Variants in COPG2 observed in about 807,000 individuals in gnomAD.
COPG2 encodes the protein coat protein complex I subunit gamma 2.
COPG2 carries 37 observed loss-of-function variants against 46.3 expected under a neutral mutation model. That is an observed-to-expected ratio of 0.80 (90% confidence interval 0.61 to 1.05). The LOEUF is 1.05. COPG2 is among the 50% of genes least tolerant of loss of function. The pLI, the probability that COPG2 is intolerant of heterozygous loss-of-function variation, is 0.00. For missense variants in COPG2, 427 were observed against 387.8 expected, an observed-to-expected ratio of 1.10 and a Z score of -0.85; for synonymous variants, 159 against 129.7, an observed-to-expected ratio of 1.23 and a Z score of -1.53.
chr7:130,561,857 A>G (rs1793726915), intron 11 of COPG2, among the ~76,000 whole-genome samples: 1 of 152,216 alleles, frequency 6.6e-6, no homozygotes, highest in South Asian at 2.1e-4. Flanking sequence ...TTTAATTCTT[A>G]ATTTATACCA....
At position 130,534,348 on chromosome 7, in the gene COPG2, C is replaced by T. The variant is rs1001966501; in HGVS notation, c.2149+13326G>A. ...AGTCCAGCATGTGGGGAGAAAGATG[C>T]TTATAAAATGGCAGAGGAGGGACTG... is the stretch of plus-strand genomic sequence containing the variant. On this transcript the variant is annotated intron_variant, in intron 20 of 23. Transcript: ENST00000425248. Among the ~76,000 whole-genome samples, 44 of 152,192 alleles carry T rather than the reference C, an allele frequency of 2.9e-4. 1 individual carries two copies. In the South Asian group the frequency reaches 5.6e-3, roughly 19 times the overall value.
At chr7:130,551,216 G>A (rs1657323715) in intron 16 of COPG2, 25 bp downstream of exon 16, 1 of 398,304 alleles carries the variant, frequency 2.5e-6, no homozygotes, top group Non-Finnish European at 4.4e-6. Context: ...AGGAACAAAA[G>A]TGTACATCCT....
chr7:130,611,555 G>A (rs187206918), intron 8 of COPG2, among the ~76,000 whole-genome samples: 1 of 152,312 alleles, frequency 6.6e-6, no homozygotes, highest in Admixed American at 6.5e-5. Flanking sequence ...CATGATCAGA[G>A]TCAGGAGAAT....
intron 17 of COPG2, 131 bp from the exon 18 acceptor site, chr7:130,549,507 G>C (rs2116384223): frequency 2.5e-6 from 1 of 396,136 alleles, no homozygotes; most frequent in South Asian, 1.4e-4. Context: ...CATACTTATA[G>C]GTTATCTATC....
intron 20 of COPG2, among the ~76,000 whole-genome samples, chr7:130,523,932 G>A (rs1159518512): frequency 2.0e-5 from 3 of 151,914 alleles, no homozygotes; most frequent in Non-Finnish European, 4.4e-5. Flanking sequence ...GGAGAGTCAG[G>A]TTGAGACTGG....
At chr7:130,573,920 G>C (rs1384559586) in intron 9 of COPG2, among the ~76,000 whole-genome samples, 4 of 152,110 alleles carry the variant, frequency 2.6e-5, no homozygotes, top group Non-Finnish European at 5.9e-5. Flanking sequence ...GGTTATTTTG[G>C]AAAATAGTTT....
chr7:130,610,329 G>A (rs533445005), intron 9 of COPG2, among the ~76,000 whole-genome samples: 1 of 152,226 alleles, frequency 6.6e-6, no homozygotes, highest in South Asian at 2.1e-4. Context: ...CTTTCAGCAG[G>A]GCATTAGTAG....
chr7:130,612,078 G>A (rs2171540), intron 8 of COPG2, 74 bp downstream of exon 8: 1,023,467 of 1,029,920 alleles, frequency 0.99, 508,762 homozygotes, highest in East Asian at 1. Flanking sequence ...CTAGGGAATC[G>A]ATACACTGCC....
intron 20 of COPG2, among the ~76,000 whole-genome samples, chr7:130,529,705 A>T (rs1188316425): frequency 2.0e-5 from 3 of 152,232 alleles, no homozygotes; most frequent in African/African-American, 7.2e-5. Flanking sequence ...CTGCACACTA[A>T]CATGGCACCT....
At chr7:130,547,171 G>C (rs1793458265) in intron 20 of COPG2, 1 of 152,276 alleles carries the variant, frequency 6.6e-6, no homozygotes, top group Non-Finnish European at 1.5e-5. Flanking sequence ...GGACACACAT[G>C]GTTGGCTAAG....
chr7:130,572,927 T>C (rs1256225842), intron 9 of COPG2, among the ~76,000 whole-genome samples: 2 of 151,838 alleles, frequency 1.3e-5, no homozygotes, highest in Non-Finnish European at 2.9e-5. Flanking sequence ...GTTGGTTCTT[T>C]GAAAAGATCA....
At chr7:130,628,096 ATCTGTGGTCTTGTTAGTTTGTTT>A (rs1795149473) in intron 5 of COPG2, among the ~76,000 whole-genome samples, 1 of 152,118 alleles carries the variant, frequency 6.6e-6, no homozygotes, top group Non-Finnish European at 1.5e-5. Flanking sequence ...CTGGATTGAA[ATCTGTGGTCTTGTTAGTTTGTTT>A]TCTGTTTTTG....
chr7:130,586,694 C>T (rs939401579), intron 9 of COPG2, among the ~76,000 whole-genome samples: 12 of 151,896 alleles, frequency 7.9e-5, no homozygotes, highest in Non-Finnish European at 1.6e-4. Flanking sequence ...GATCTCCTGA[C>T]GTCGTCATCT....
At chr7:130,607,625 T>C (rs1794759503) in intron 9 of COPG2, 2 of 506,096 alleles carry the variant, frequency 4.0e-6, no homozygotes, top group Non-Finnish European at 7.9e-6. Context: ...TTCTCCTGTA[T>C]ATATGTAGTT....
chr7:130,573,166 G>A (rs1421591414), intron 9 of COPG2, among the ~76,000 whole-genome samples: 3 of 146,514 alleles, frequency 2.0e-5, no homozygotes, highest in African/African-American at 5.0e-5. Flanking sequence ...AAAAGAAACA[G>A]AAAATCTAAA....
At chr7:130,562,686 A>G (rs1310701956) in intron 11 of COPG2, among the ~76,000 whole-genome samples, 1 of 152,240 alleles carries the variant, frequency 6.6e-6, no homozygotes, top group Non-Finnish European at 1.5e-5. Context: ...CAAAAACTTG[A>G]GATATGTAAA....
At chr7:130,658,969 C>T (rs753508089) in intron 4 of COPG2, among the ~76,000 whole-genome samples, 19 of 152,110 alleles carry the variant, frequency 1.2e-4, no homozygotes, top group Non-Finnish European at 2.6e-4. Flanking sequence ...CGTGAGCCAC[C>T]GGGCCCAGCC....
rs182653289 is a variant in COPG2, at chr7:130,633,056, C to T, written c.324-15991G>A. Among the ~76,000 whole-genome samples, 231 of 152,198 alleles carry T rather than the reference C, an allele frequency of 1.5e-3. 1 individual carries two copies. The highest frequency in any genetic ancestry group is 5.3e-3 in the African/African-American group (219 of 41,508). ...GATGGTTTCCAGCTTTATCCATGTC[C>T]CTGCAAAGGACATGAACTCATCCTT... On this transcript the variant is annotated intron_variant, in intron 5 of 23. Transcript: ENST00000425248.
chr7:130,601,895 G>C (rs1794639861), intron 9 of COPG2, among the ~76,000 whole-genome samples: 1 of 151,958 alleles, frequency 6.6e-6, no homozygotes, highest in African/African-American at 2.4e-5. Context: ...AAGAAGGAAG[G>C]AAGGAAGGAA....
Sources: gnomAD v4.1 joint callset for allele counts (sites outside exome capture counted in the v4.1 genomes callset) on GRCh38, gnomAD v4.1.1 for gene constraint, MANE v1.5 for transcripts, NCBI Gene and HGNC (gene_info 2026-07-23, HGNC 2026-07-21) for gene names.